ZFHX4: variants seen among roughly 807,000 people sequenced by gnomAD.
ZFHX4 encodes the protein zinc finger homeobox protein 4.
A neutral mutation model predicts 267.6 loss-of-function variants in ZFHX4; 56 were observed. That is an observed-to-expected ratio of 0.21 (90% CI 0.17 to 0.26). The LOEUF (loss-of-function observed/expected upper bound fraction) is 0.26, where lower values mean the gene tolerates loss of function less well. ZFHX4 is among the 10% of genes least tolerant of loss of function. The pLI, the probability that ZFHX4 is intolerant of heterozygous loss-of-function variation, is 1.00. For synonymous variants in ZFHX4, 1,778 were observed against 1,665.6 expected (o/e 1.07, Z -1.64); for missense variants, 4,332 against 4,420.0 (o/e 0.98, Z 0.56).
At chr8:76,758,345 G>A (rs547845150) in intron 3 of ZFHX4, among the ~76,000 whole-genome samples, 1 of 152,066 alleles carries the variant, frequency 6.6e-6, no homozygotes, top group African/African-American at 2.4e-5. Context: ...AAAGAAACAT[G>A]CGTAAATGCA....
rs767305130 is a variant in ZFHX4, at chr8:76,851,345, C to T, written c.4424C>T (p.Thr1475Ile). 9.3e-6 allele frequency: 15 copies of T among 1,613,804 alleles called. No homozygotes were observed. Among genetic ancestry groups the T allele is most frequent in the Middle Eastern group, 1.6e-4 (1 of 6,062 alleles). ...GGAGAACTGTGGGCAGAGAGCGAAA[C>T]TATGTCCCAGGATGACCATGGCCTA... ...VNGELWAESE[T>I]MSQDDHGLEQ... The change falls in exon 10 of 11, where the codon ACT (threonine) becomes ATT (isoleucine). Residue 1475 changes from threonine to isoleucine, a missense_variant. Coordinates refer to ENST00000651372, the MANE Select transcript of ZFHX4 (RefSeq NM_024721.5).
chr8:76,769,485 G>A (rs573491893), intron 3 of ZFHX4, among the ~76,000 whole-genome samples: 4 of 152,108 alleles, frequency 2.6e-5, no homozygotes, highest in East Asian at 3.9e-4. Flanking sequence ...CAGTAGCTAG[G>A]ACTACAGGCA....
intron 3 of ZFHX4, among the ~76,000 whole-genome samples, chr8:76,740,619 T>C (rs1436387568): frequency 1.3e-5 from 2 of 152,108 alleles, no homozygotes; most frequent in African/African-American, 2.4e-5. Context: ...AGGGGAAGTA[T>C]TTAAAAGATT....
chr8:76,738,859 C>T (rs565206388), intron 3 of ZFHX4, among the ~76,000 whole-genome samples: 2 of 152,084 alleles, frequency 1.3e-5, no homozygotes, highest in South Asian at 2.1e-4. Flanking sequence ...GGACCACTGG[C>T]ATGCGCCACC....
At chr8:76,759,072 T>C (rs1012885823) in intron 3 of ZFHX4, among the ~76,000 whole-genome samples, 1 of 152,246 alleles carries the variant, frequency 6.6e-6, no homozygotes, top group Non-Finnish European at 1.5e-5. Flanking sequence ...CATACATATT[T>C]ACATTTTGAA....
intron 3 of ZFHX4, among the ~76,000 whole-genome samples, chr8:76,769,931 A>G (rs1810216892): frequency 6.6e-6 from 1 of 152,162 alleles, no homozygotes; most frequent in South Asian, 2.1e-4. Context: ...AATGAAAACT[A>G]GGGTCAGAAA....
chr8:76,853,651 T>C lies in ZFHX4; in HGVS notation c.6730T>C (p.Phe2244Leu). ...TDYQLRVLQDFFDTNAYPKDD... is the reference protein window; with the variant it reads ...TDYQLRVLQDLFDTNAYPKDD... ...CTACCAGCTTAGGGTTCTGCAAGAC[T>C]TTTTTGACACAAACGCTTACCCAAA... The change falls in exon 10 of 11, where the codon TTT becomes CTT. Residue 2244 changes from phenylalanine to leucine, a missense_variant. Phe to Leu is a conservative substitution (Grantham distance 22, BLOSUM62 0). This residue lies in a region of ZFHX4 where 62 missense variants were observed against 69.8 expected (regional missense o/e 0.89). Coordinates refer to ENST00000651372, the MANE Select transcript of ZFHX4 (RefSeq NM_024721.5). 1 of 1,613,442 alleles carries C rather than the reference T, an allele frequency of 6.2e-7. No individual in the cohort carries two copies. Among genetic ancestry groups the C allele is most frequent in the Non-Finnish European group, 8.5e-7 (1 of 1,179,652 alleles).
chr8:76,682,303 C>T (rs1045999294), intron 1 of ZFHX4, among the ~76,000 whole-genome samples: 34 of 152,356 alleles, frequency 2.2e-4, no homozygotes, highest in African/African-American at 7.9e-4. Flanking sequence ...CCCTCTTCCC[C>T]TTCTCAAGTT....
rs1285807520 is a variant in ZFHX4, at chr8:76,853,285, A to G, written c.6364A>G (p.Asn2122Asp). The G allele has an allele frequency of 6.2e-7, 1 of 1,607,246 alleles. No homozygotes were observed. Among genetic ancestry groups the G allele is most frequent in the Non-Finnish European group, 8.5e-7 (1 of 1,176,502 alleles). Residue 2122 changes from asparagine (N) to aspartate (D), a missense_variant, in exon 10 of 11, where the codon AAC (asparagine) becomes GAC (aspartate). Asn to Asp is a conservative substitution (Grantham distance 23, BLOSUM62 1). This residue lies in a region of ZFHX4 where 1,371 missense variants were observed against 1,423.1 expected (regional missense o/e 0.96). Coordinates refer to ENST00000651372, the MANE Select transcript of ZFHX4 (RefSeq NM_024721.5). The part of the protein sequence containing the change: ...LCQQQLGLDP[N>D]FLRHSQFKRP... ...CCAGCAGCAGCTCGGATTAGATCCC[A>G]ACTTCTTAAGACATTCTCAGTTCAA...
At chr8:76,835,276 TTAAAA>T (rs1812064562) in intron 5 of ZFHX4, among the ~76,000 whole-genome samples, 1 of 146,488 alleles carries the variant, frequency 6.8e-6, no homozygotes, top group Non-Finnish European at 1.5e-5. Context: ...CATATATTTG[TTAAAA>T]ATGGCAGTTA....
At chr8:76,837,214 A>G (rs953998177) in intron 5 of ZFHX4, among the ~76,000 whole-genome samples, 7 of 152,252 alleles carry the variant, frequency 4.6e-5, no homozygotes, top group African/African-American at 1.7e-4. Context: ...TTAATAGAGG[A>G]GGCCCCAGCA....
At chr8:76,791,548 C>G (rs1585948791) in intron 4 of ZFHX4, among the ~76,000 whole-genome samples, 1 of 152,068 alleles carries the variant, frequency 6.6e-6, no homozygotes. Context: ...GCTATTTTTA[C>G]TGTATTTAAA....
intron 6 of ZFHX4, among the ~76,000 whole-genome samples, chr8:76,846,854 C>A (rs540993540): frequency 2.5e-4 from 38 of 152,048 alleles, no homozygotes; most frequent in Non-Finnish European, 5.1e-4. Context: ...ATCCAAAGGG[C>A]CTGCAAGCAA....
At chr8:76,787,448 A>G (rs1810720496) in intron 4 of ZFHX4, among the ~76,000 whole-genome samples, 2 of 152,054 alleles carry the variant, frequency 1.3e-5, no homozygotes, top group South Asian at 4.1e-4. Flanking sequence ...GGTGTGTTGG[A>G]GGTCAGTAGC....
chr8:76,728,623 C>T (rs1052689078), intron 3 of ZFHX4, among the ~76,000 whole-genome samples: 1 of 152,072 alleles, frequency 6.6e-6, no homozygotes, highest in Non-Finnish European at 1.5e-5. Flanking sequence ...AAGAACCGGC[C>T]TTTATCATGG....
chr8:76,755,323 A>C (rs564302640), intron 3 of ZFHX4, among the ~76,000 whole-genome samples: 3 of 152,216 alleles, frequency 2.0e-5, no homozygotes, highest in Admixed American at 2.0e-4. Flanking sequence ...GGAATGTTTT[A>C]ATTATTATGT....
chr8:76,821,856 G>A (rs937228407), intron 4 of ZFHX4, among the ~76,000 whole-genome samples: 1 of 152,020 alleles, frequency 6.6e-6, no homozygotes, highest in Non-Finnish European at 1.5e-5. Flanking sequence ...GCCTTTTGTA[G>A]GAGTGAATCC....
chr8:76,683,055 T>C (rs1453981401), intron 1 of ZFHX4: 1 of 152,270 alleles, frequency 6.6e-6, no homozygotes, highest in East Asian at 1.9e-4. Context: ...TTGTTACCTG[T>C]GATCCGGGCG....
At chr8:76,810,652 G>A (rs1811354422) in intron 4 of ZFHX4, among the ~76,000 whole-genome samples, 1 of 152,120 alleles carries the variant, frequency 6.6e-6, no homozygotes. Context: ...GGATGAAACC[G>A]TTATACTGGC....
Sources: gnomAD v4.1 joint callset for allele counts (sites outside exome capture counted in the v4.1 genomes callset) on GRCh38, gnomAD v4.1.1 for gene constraint, gnomAD v4.1.1 regional missense constraint, MANE v1.5 for transcripts, NCBI Gene and HGNC (gene_info 2026-07-23, HGNC 2026-07-21) for gene names.